The following NT5DC1 variants were observed in gnomAD, a reference collection of about 807,000 sequenced individuals.
The protein encoded by NT5DC1 is 5'-nucleotidase domain containing 1, also known as 5'-nucleotidase domain-containing protein 1.
Under a neutral mutation model 59.4 loss-of-function variants are expected in NT5DC1, and 42 were observed. That is an observed-to-expected ratio of 0.71 (90% CI 0.55 to 0.92). The LOEUF (loss-of-function observed/expected upper bound fraction) is 0.92, where lower values mean the gene tolerates loss of function less well. Among genes scored for constraint, NT5DC1 ranks in the 40% least tolerant of loss-of-function variants. The pLI is 0.00. For missense variants in NT5DC1, 501 were observed against 537.1 expected (o/e 0.93, Z 0.66); for synonymous variants, 172 against 188.1 (o/e 0.91, Z 0.70).
At chr6:116,206,848 A>G (rs1406444554) in intron 6 of NT5DC1, among the ~76,000 whole-genome samples, 2 of 151,984 alleles carry the variant, frequency 1.3e-5, no homozygotes, top group Non-Finnish European at 2.9e-5. Context: ...TCTTCATTGA[A>G]TACACATAGG....
intron 6 of NT5DC1, among the ~76,000 whole-genome samples, chr6:116,219,089 A>G (rs2114537869): frequency 6.6e-6 from 1 of 152,104 alleles, no homozygotes; most frequent in South Asian, 2.1e-4. Context: ...CCAGGAGTTT[A>G]AGGCTGCAGT....
chr6:116,100,889 C>G lies in NT5DC1; in HGVS notation c.-42C>G. On this transcript the variant is annotated 5_prime_UTR_variant, in exon 1 of 12. Transcript: ENST00000319550. ...GCGTCCCGCCAGCCAGCTCCTTGCA[C>G]CCTTCGCGGCCGAGGCGCTCCCTGG... 1 of 1,499,472 alleles carries G rather than the reference C, an allele frequency of 6.7e-7. No homozygotes were observed. Among genetic ancestry groups the G allele is most frequent in the Non-Finnish European group, 9.1e-7 (1 of 1,098,184 alleles). 92.9% of individuals were successfully genotyped at this position (1,499,472 alleles called of 1,614,324 possible). A position where few individuals can be genotyped will look rare whatever the true frequency, so the allele number is the denominator to read the frequency against.
intron 6 of NT5DC1, among the ~76,000 whole-genome samples, chr6:116,123,354 A>G (rs547808536): frequency 1.2e-4 from 19 of 152,272 alleles, no homozygotes; most frequent in African/African-American, 4.6e-4. Flanking sequence ...TGCTTGGGGG[A>G]CAGCCCCTGT....
chr6:116,186,782 T>G (rs1781009890), intron 6 of NT5DC1, among the ~76,000 whole-genome samples: 1 of 152,036 alleles, frequency 6.6e-6, no homozygotes, highest in Non-Finnish European at 1.5e-5. Flanking sequence ...TTCATTCGTA[T>G]CCTGTATCAT....
chr6:116,179,144 A>G (rs1487554773), intron 6 of NT5DC1, among the ~76,000 whole-genome samples: 3 of 152,180 alleles, frequency 2.0e-5, no homozygotes, highest in African/African-American at 7.2e-5. Context: ...GGGTGGGGAT[A>G]CCAATTTATT....
At chr6:116,150,899 A>G (rs1254531068) in intron 6 of NT5DC1, among the ~76,000 whole-genome samples, 1 of 152,210 alleles carries the variant, frequency 6.6e-6, no homozygotes, top group Non-Finnish European at 1.5e-5. Flanking sequence ...TAACCATTAC[A>G]TAGGTTGATT....
At chr6:116,206,987 A>G (rs1441579217) in intron 6 of NT5DC1, among the ~76,000 whole-genome samples, 1 of 151,816 alleles carries the variant, frequency 6.6e-6, no homozygotes, top group Admixed American at 6.6e-5. Flanking sequence ...CTCTGGATTT[A>G]TATTGACATC....
At chr6:116,213,730 A>G (rs1391805769) in intron 6 of NT5DC1, among the ~76,000 whole-genome samples, 1 of 152,030 alleles carries the variant, frequency 6.6e-6, no homozygotes, top group Non-Finnish European at 1.5e-5. Context: ...CTAAAAACTA[A>G]TGCTACTTTG....
chr6:116,130,477 T>C (rs1315820781), intron 6 of NT5DC1, among the ~76,000 whole-genome samples: 1 of 152,038 alleles, frequency 6.6e-6, no homozygotes, highest in Non-Finnish European at 1.5e-5. Context: ...TTCCTTCTAA[T>C]GTTTTGTACC....
chr6:116,125,870 G>A (rs958416411), intron 6 of NT5DC1: 3 of 204,898 alleles, frequency 1.5e-5, no homozygotes, highest in Non-Finnish European at 3.0e-5. Flanking sequence ...TTACAATATG[G>A]TTTTATTGGG....
intron 8 of NT5DC1, among the ~76,000 whole-genome samples, chr6:116,231,143 G>C (rs1282047306): frequency 1.5e-5 from 1 of 68,304 alleles, no homozygotes; most frequent in Non-Finnish European, 2.3e-5. Flanking sequence ...TGAATGAATG[G>C]TAAATCCCCC....
chr6:116,222,515 T>C (rs1781827274), intron 7 of NT5DC1, among the ~76,000 whole-genome samples: 1 of 152,194 alleles, frequency 6.6e-6, no homozygotes, highest in Admixed American at 6.5e-5. Flanking sequence ...TTAATTATTG[T>C]CATACAAAAG....
chr6:116,195,471 C>G (rs1201810638), intron 6 of NT5DC1, among the ~76,000 whole-genome samples: 1 of 151,802 alleles, frequency 6.6e-6, no homozygotes, highest in Non-Finnish European at 1.5e-5. Flanking sequence ...CAAATTGTGA[C>G]CAAATCATTA....
chr6:116,145,132 A>G (rs1353285165), intron 6 of NT5DC1, among the ~76,000 whole-genome samples: 2 of 152,172 alleles, frequency 1.3e-5, no homozygotes, highest in Non-Finnish European at 2.9e-5. Context: ...AAGCATTATA[A>G]TAGATTGAAA....
intron 7 of NT5DC1, among the ~76,000 whole-genome samples, chr6:116,221,488 G>A (rs888851276): frequency 2.0e-5 from 3 of 152,198 alleles, no homozygotes; most frequent in South Asian, 4.2e-4. Flanking sequence ...TCTAGAAGGT[G>A]GTAAACTGTA....
In NT5DC1 at chr6:116,154,927, G is replaced by A. The variant is rs575470050; in HGVS notation, c.529+36982G>A. On this transcript the variant is annotated intron_variant, in intron 6 of 11. Coordinates refer to ENST00000319550, the MANE Select transcript of NT5DC1 (RefSeq NM_152729.3). ...AGATAAAAATAAAAAACATCATTTA[G>A]GAGTTTAAAAAACAAACCATAAATA... 2.0e-5 allele frequency among the ~76,000 whole-genome samples: 3 copies of A among 152,054 alleles called. No individual in the cohort carries two copies. In the East Asian group the frequency reaches 5.8e-4, roughly 29 times the overall value.
intron 6 of NT5DC1, among the ~76,000 whole-genome samples, chr6:116,154,234 A>C (rs1562141516): frequency 6.6e-6 from 1 of 152,180 alleles, no homozygotes. Flanking sequence ...GAAATTTAAA[A>C]ATAGTTGATA....
chr6:116,212,437 G>T (rs1781599405), intron 6 of NT5DC1, among the ~76,000 whole-genome samples: 1 of 152,118 alleles, frequency 6.6e-6, no homozygotes, highest in South Asian at 2.1e-4. Context: ...CATTGAACAA[G>T]TAATCCTTTG....
intron 6 of NT5DC1, among the ~76,000 whole-genome samples, chr6:116,211,889 C>A (rs1424761334): frequency 6.6e-6 from 1 of 151,998 alleles, no homozygotes; most frequent in Non-Finnish European, 1.5e-5. Flanking sequence ...GCTCTGATCC[C>A]CCAACACACA....
Sources: gnomAD v4.1 joint callset for allele counts (sites outside exome capture counted in the v4.1 genomes callset) on GRCh38, gnomAD v4.1.1 for gene constraint, MANE v1.5 for transcripts, NCBI Gene and HGNC (gene_info 2026-07-23, HGNC 2026-07-21) for gene names.